SREBF2: variants seen among roughly 807,000 people sequenced by gnomAD.
SREBF2 encodes the protein sterol regulatory element binding transcription factor 2, also known as sterol regulatory element-binding protein 2.
SREBF2 carries 55 observed loss-of-function variants against 113.1 expected under a neutral mutation model. The observed-to-expected ratio is 0.49, with a 90% CI of 0.39 to 0.61. The LOEUF is 0.61. Among genes scored for constraint, SREBF2 ranks in the 20% least tolerant of loss-of-function variants. SREBF2 has a pLI of 0.00. For synonymous variants in SREBF2, 593 were observed against 605.7 expected, an observed-to-expected ratio of 0.98 and a Z score of 0.31; for missense variants, 1,349 against 1,487.4, an observed-to-expected ratio of 0.91 and a Z score of 1.53.
In SREBF2 at chr22:41,905,589, C is replaced by T. The variant is rs756039618; in HGVS notation, c.3355C>T (p.Arg1119Trp). ...AARTLEKVGD[R>W]RSCNDCQQMI... ...CCGCACCCTGGAGAAGGTGGGCGAC[C>T]GGCGCTCCTGCAACGACTGCCAGCA... Residue 1119 changes from arginine to tryptophan, a missense_variant, in exon 19 of 19, where the codon CGG becomes TGG. This residue lies in a region of SREBF2 where 650 missense variants were observed against 644.1 expected (regional missense o/e 1.01). Coordinates refer to ENST00000361204, the MANE Select transcript of SREBF2 (RefSeq NM_004599.4). The T allele has an allele frequency of 2.7e-5, 43 of 1,598,764 alleles. No individual in the cohort carries two copies. The highest frequency in any genetic ancestry group is 1.2e-4 in the South Asian group (11 of 88,456).
At chr22:41,897,241 C>A in intron 14 of SREBF2, 80 bp downstream of exon 14, 1 of 896,922 alleles carries the variant, frequency 1.1e-6, no homozygotes, top group Non-Finnish European at 1.7e-6. Context: ...GGGTCCAGGG[C>A]GTTAGGAGTG....
At chr22:41,883,853 T>A (rs2077273084) in intron 10 of SREBF2, among the ~76,000 whole-genome samples, 1 of 152,222 alleles carries the variant, frequency 6.6e-6, no homozygotes, top group Non-Finnish European at 1.5e-5. Flanking sequence ...CTTCCTCCCC[T>A]GAGGCAAGGA....
chr22:41,871,051 TC>T lies in SREBF2; in HGVS notation c.867+21del, dbSNP rs2077135783. 9.3e-6 allele frequency: 15 copies of T among 1,613,698 alleles called. No individual in the cohort carries two copies. The highest frequency in any genetic ancestry group is 1.3e-5 in the Non-Finnish European group (15 of 1,179,902). The stretch of plus-strand genomic sequence containing the variant: ...TCAAGTACCAGTAAGAGCTGCCTTC[TC>T]CCCCACCCTCCTCCCTCCCCCTTTA... On this transcript the variant is annotated intron_variant, in intron 4 of 18. Transcript: ENST00000361204.
In SREBF2 at chr22:41,893,207, CAG is replaced by C; in HGVS notation, c.2301_2302del (p.Lys768ValfsTer26). 6.2e-7 allele frequency: 1 copy of C among 1,614,150 alleles called. No individual in the cohort carries two copies. Among genetic ancestry groups the C allele is most frequent in the Non-Finnish European group, 8.5e-7 (1 of 1,180,036 alleles). ...GCGCTGGCTCTGCCACCCCCTGGGC[CAG>C]AAGTTTTTCATGGAGCGGAGCTGGT... ...SLRWLCHPLG[Q>X]KFFMERSWSV... is the part of the protein sequence containing the mutation. On this transcript the variant is annotated frameshift_variant, in exon 12 of 19. Coordinates refer to ENST00000361204, the MANE Select transcript of SREBF2 (RefSeq NM_004599.4). LOFTEE classifies it high-confidence loss of function.
chr22:41,892,769 T>C (rs1022454648), intron 11 of SREBF2, among the ~76,000 whole-genome samples: 2 of 152,046 alleles, frequency 1.3e-5, no homozygotes, highest in Non-Finnish European at 2.9e-5. Flanking sequence ...AGACCCCTCC[T>C]TGGGAAACCG....
chr22:41,899,129 C>A, intron 15 of SREBF2: 1 of 854,100 alleles, frequency 1.2e-6, no homozygotes, highest in East Asian at 6.2e-5. Flanking sequence ...TGGAGGCAGG[C>A]ACTGGTGGTT....
intron 1 of SREBF2, among the ~76,000 whole-genome samples, chr22:41,850,751 TTTTTG>T (rs1556032403): frequency 1.5e-5 from 1 of 66,972 alleles, no homozygotes; most frequent in Non-Finnish European, 4.6e-5. Context: ...TTTTTCTTTC[TTTTTG>T]TTTTTTTTGA....
chr22:41,904,279 ACTGAAGACCCTCC>A (rs1471310075), intron 17 of SREBF2, among the ~76,000 whole-genome samples: 2 of 152,304 alleles, frequency 1.3e-5, no homozygotes, highest in African/African-American at 4.8e-5. Context: ...ACTTGGCAGC[ACTGAAGACCCTCC>A]CTGAAGACTG....
intron 1 of SREBF2, among the ~76,000 whole-genome samples, chr22:41,852,286 A>G (rs544491527): frequency 1.3e-5 from 2 of 152,134 alleles, no homozygotes; most frequent in African/African-American, 2.4e-5. Flanking sequence ...ATATATATCC[A>G]TCAGTTTGGA....
In SREBF2 at chr22:41,903,175, TG is replaced by T; in HGVS notation, c.3093+24del. On this transcript the variant is annotated intron_variant, in intron 17 of 18. Coordinates refer to ENST00000361204, the MANE Select transcript of SREBF2 (RefSeq NM_004599.4). ...CGCAAGGTGAGGCCCAGCTGGCTGGTGGGGCAGGGCAGATTGGAGCCTGTGG... is the reference window on the plus strand; with the variant it reads ...CGCAAGGTGAGGCCCAGCTGGCTGGTGGGCAGGGCAGATTGGAGCCTGTGG... 1 of 1,547,296 alleles carries T rather than the reference TG, an allele frequency of 6.5e-7. No homozygotes were observed. The highest frequency in any genetic ancestry group is 8.7e-7 in the Non-Finnish European group (1 of 1,146,870).
chr22:41,892,858 C>T (rs961220061), intron 11 of SREBF2, among the ~76,000 whole-genome samples: 12 of 152,278 alleles, frequency 7.9e-5, no homozygotes, highest in African/African-American at 2.2e-4. Flanking sequence ...AGGGGCCCCA[C>T]GCGTGCCTTG....
In SREBF2 at chr22:41,905,754, C is replaced by A; in HGVS notation, c.*94C>A. 3 of 1,382,748 alleles carry A rather than the reference C, an allele frequency of 2.2e-6. No homozygotes were observed. Among genetic ancestry groups the A allele is most frequent in the Non-Finnish European group, 3.0e-6 (3 of 994,946 alleles). 85.7% of individuals were successfully genotyped at this position (1,382,748 alleles called of 1,614,324 possible). ...TGAGAGTGGTGGGGAAGAGCCTTGT[C>A]TTCTTAGCTGTCACCTGCCGAGGCT... On this transcript the variant is annotated 3_prime_UTR_variant, in exon 19 of 19. Transcript: ENST00000361204.
intron 1 of SREBF2, among the ~76,000 whole-genome samples, chr22:41,849,344 G>A (rs1039918641): frequency 7.9e-5 from 12 of 151,840 alleles, no homozygotes; most frequent in South Asian, 2.1e-4. Flanking sequence ...GGTGCTTGCC[G>A]CCACGCCCGG....
At position 41,878,139 on chromosome 22, in the gene SREBF2, G is replaced by T. The variant is rs760831137; in HGVS notation, c.1761+16G>T. 2.5e-6 allele frequency: 4 copies of T among 1,613,218 alleles called. No individual in the cohort carries two copies. In the East Asian group the frequency reaches 8.9e-5, roughly 36 times the overall value. ...TCTCGCCAGAGTGAGTTCTGTGTCC[G>T]CCCTTCCCCATCCTCCCCCAGACTT... is the stretch of plus-strand genomic sequence containing the variant. On this transcript the variant is annotated intron_variant, in intron 9 of 18. Coordinates refer to ENST00000361204, the MANE Select transcript of SREBF2 (RefSeq NM_004599.4).
At chr22:41,894,486 C>T (rs74409678) in intron 12 of SREBF2, among the ~76,000 whole-genome samples, 1,621 of 152,216 alleles carry the variant, frequency 0.011, 20 homozygotes, top group Admixed American at 0.031. Context: ...AAGAGAAATC[C>T]TCTGAGACAT....
chr22:41,902,908 G>A (rs12628217), intron 16 of SREBF2, 62 bp from the exon 17 acceptor site: 2 of 1,542,038 alleles, frequency 1.3e-6, no homozygotes, highest in Non-Finnish European at 8.8e-7. Flanking sequence ...GTAGGTGCTA[G>A]GATCCTTGCC....
rs149989444 is a variant in SREBF2 at position 41,846,887 on chromosome 22, G to A, written c.88+13529G>A. Among the ~76,000 whole-genome samples, 5 of 152,274 alleles carry A rather than the reference G, an allele frequency of 3.3e-5. 1 individual carries two copies. The highest frequency in any genetic ancestry group is 1.2e-4 in the African/African-American group (5 of 41,544). On this transcript the variant is annotated intron_variant, in intron 1 of 18. Coordinates refer to ENST00000361204, the MANE Select transcript of SREBF2 (RefSeq NM_004599.4). The stretch of plus-strand genomic sequence containing the variant: ...GCCCTTGTCGCAGTTTATGGAGTTG[G>A]TTAGGTTTCTCTTTCTTCTCTGTGA...
In SREBF2 at chr22:41,893,151, G is replaced by A. The variant is rs1302977915; in HGVS notation, c.2243G>A (p.Gly748Asp). 1.9e-6 allele frequency: 3 copies of A among 1,613,896 alleles called. No individual in the cohort carries two copies. Among genetic ancestry groups the A allele is most frequent in the East Asian group, 2.2e-5 (1 of 44,894 alleles). The change falls in exon 12 of 19, where the codon GGC becomes GAC. Residue 748 changes from glycine to aspartate, a missense_variant. By Grantham distance (94) the Gly-to-Asp change is moderately conservative (BLOSUM62 -1). Around this residue, in one of 2 missense-constraint regions of SREBF2, gnomAD observed 650 missense variants for 644.1 expected, o/e 1.01. Transcript: ENST00000361204. ...YFLSRAQSLC[G>D]PEHSAVPDSL... Reference sequence around the variant, plus strand: ...CTCAGCCGAGCCCAGAGCCTGTGTGGCCCCGAGCACAGTGCTGTTCCTGAC... The same window carrying A: ...CTCAGCCGAGCCCAGAGCCTGTGTGACCCCGAGCACAGTGCTGTTCCTGAC...
At chr22:41,881,019 C>T (rs1394772396) in intron 10 of SREBF2, 27 bp downstream of exon 10, 6 of 1,599,758 alleles carry the variant, frequency 3.8e-6, no homozygotes, top group Non-Finnish European at 5.1e-6. Flanking sequence ...TGCTGCCTGG[C>T]TTGCTGCAAG....
Sources: gnomAD v4.1 joint callset for allele counts (sites outside exome capture counted in the v4.1 genomes callset) on GRCh38, gnomAD v4.1.1 for gene constraint, gnomAD v4.1.1 regional missense constraint, MANE v1.5 for transcripts, NCBI Gene and HGNC (gene_info 2026-07-23, HGNC 2026-07-21) for gene names.